The following BLTP3B variants were observed in gnomAD, a reference collection of about 807,000 sequenced individuals.
BLTP3B encodes bridge-like lipid transfer protein family member 3B, also known as UHRF1 (ICBP90) binding protein 1-like.
the BLTP3B span, chr12:100,084,802 T>C: frequency 8.9e-6 from 7 of 786,446 alleles, no homozygotes; most frequent in African/African-American, 5.3e-5. Flanking sequence ...CTACATGTAA[T>C]TTCGAAATAT....
the BLTP3B span, among the ~76,000 whole-genome samples, chr12:100,137,837 A>C: frequency 2.0e-5 from 3 of 152,220 alleles, no homozygotes; most frequent in Non-Finnish European, 2.9e-5. Flanking sequence ...TGCCTATTAC[A>C]GATGACTAAT....
the BLTP3B span, among the ~76,000 whole-genome samples, chr12:100,103,041 A>G: frequency 2.0e-5 from 3 of 152,134 alleles, no homozygotes; most frequent in African/African-American, 7.2e-5. Context: ...CAAAGCACTC[A>G]ATCAGTTCTC....
chr12:100,089,369 G>A, the BLTP3B span, among the ~76,000 whole-genome samples: 1 of 152,038 alleles, frequency 6.6e-6, no homozygotes, highest in Non-Finnish European at 1.5e-5. Flanking sequence ...GACCAGCCTC[G>A]CTAACATGCT....
At chr12:100,124,954 A>ATT in the BLTP3B span, among the ~76,000 whole-genome samples, 1 of 86,432 alleles carries the variant, frequency 1.2e-5, no homozygotes, top group African/African-American at 5.3e-5. Context: ...ATATATATAT[A>ATT]TATATATATA....
At chr12:100,090,048 G>A in the BLTP3B span, among the ~76,000 whole-genome samples, 5 of 152,132 alleles carry the variant, frequency 3.3e-5, no homozygotes, top group Middle Eastern at 3.2e-3. Flanking sequence ...CCACGATTAC[G>A]AGGCTTCCCC....
chr12:100,068,728 CAACA>C, the BLTP3B span, among the ~76,000 whole-genome samples: 3 of 151,982 alleles, frequency 2.0e-5, no homozygotes, highest in Admixed American at 1.3e-4. Flanking sequence ...TACAAATGGC[CAACA>C]AACATAGAAA....
chr12:100,051,126 C>A, the BLTP3B span: 3 of 1,614,054 alleles, frequency 1.9e-6, no homozygotes, highest in Non-Finnish European at 2.5e-6. Flanking sequence ...GTACTGATGG[C>A]ATCTGGAGAA....
At chr12:100,037,836 T>C in the BLTP3B span, 1 of 1,271,702 alleles carries the variant, frequency 7.9e-7, no homozygotes, top group African/African-American at 1.5e-5. Context: ...TCCAAAGGTA[T>C]GACACTTGGG....
the BLTP3B span, among the ~76,000 whole-genome samples, chr12:100,130,981 G>GA: frequency 1.9e-3 from 154 of 80,360 alleles, no homozygotes; most frequent in Non-Finnish European, 2.5e-3. Flanking sequence ...GAGAGAGGGA[G>GA]GGAGAGAGAG....
At chr12:100,097,392 T>G in the BLTP3B span, 1 of 1,612,370 alleles carries the variant, frequency 6.2e-7, no homozygotes, top group Non-Finnish European at 8.5e-7. Flanking sequence ...CTCTGATTTT[T>G]GATTGGTTGG....
At chr12:100,110,999 G>C in the BLTP3B span, among the ~76,000 whole-genome samples, 1 of 152,086 alleles carries the variant, frequency 6.6e-6, no homozygotes, top group African/African-American at 2.4e-5. Context: ...GCAACACCTT[G>C]ATTGGGTATG....
At chr12:100,057,798 C>A in the BLTP3B span, 38 of 1,468,004 alleles carry the variant, frequency 2.6e-5, no homozygotes, top group Non-Finnish European at 3.4e-5. Context: ...AGAATTCTAT[C>A]TAAAAAATAC....
chr12:100,089,476 C>G, the BLTP3B span, among the ~76,000 whole-genome samples: 1 of 152,148 alleles, frequency 6.6e-6, no homozygotes, highest in Non-Finnish European at 1.5e-5. Flanking sequence ...AGGAGAATCA[C>G]TTGAACCCGG....
At chr12:100,070,063 A>C in the BLTP3B span, 3 of 1,420,732 alleles carry the variant, frequency 2.1e-6, no homozygotes, top group Non-Finnish European at 2.8e-6. Context: ...ATTTAGATTT[A>C]CAAGACAATG....
At chr12:100,081,262 T>C in the BLTP3B span, among the ~76,000 whole-genome samples, 1 of 152,204 alleles carries the variant, frequency 6.6e-6, no homozygotes, top group South Asian at 2.1e-4. Context: ...TCTCTTCCTA[T>C]GGCTGGTTGT....
the BLTP3B span, among the ~76,000 whole-genome samples, chr12:100,055,812 T>C: frequency 6.6e-6 from 1 of 152,114 alleles, no homozygotes; most frequent in Non-Finnish European, 1.5e-5. Flanking sequence ...GAATAAGCAC[T>C]TATACCTCAC....
the BLTP3B span, among the ~76,000 whole-genome samples, chr12:100,041,933 A>G: frequency 6.6e-6 from 1 of 152,338 alleles, no homozygotes; most frequent in East Asian, 1.9e-4. Context: ...GTTGCAGGAT[A>G]AAAATCAATA....
At chr12:100,135,095 G>C in the BLTP3B span, among the ~76,000 whole-genome samples, 3 of 152,220 alleles carry the variant, frequency 2.0e-5, no homozygotes, top group East Asian at 5.8e-4. Flanking sequence ...GGTCCCACAT[G>C]ATCTGGCCCT....
the BLTP3B span, chr12:100,058,781 C>T: frequency 1.9e-6 from 3 of 1,613,962 alleles, no homozygotes; most frequent in Non-Finnish European, 2.5e-6. Context: ...GGATAAGTGA[C>T]TCATGCAGGA....
Sources: allele counts gnomAD v4.1 joint callset (sites outside exome capture counted in the v4.1 genomes callset), GRCh38; gene constraint gnomAD v4.1.1; transcripts MANE v1.5; gene names NCBI Gene and HGNC (gene_info 2026-07-23, HGNC 2026-07-21).